XIRP2: variants seen among roughly 807,000 people sequenced by gnomAD.
The protein encoded by XIRP2 is xin actin binding repeat containing 2, also known as xin actin-binding repeat-containing protein 2.
A neutral mutation model predicts 277.0 loss-of-function variants in XIRP2; 236 were observed. The observed-to-expected ratio is 0.85, with a 90% CI of 0.77 to 0.95. The LOEUF is 0.95. Among genes scored for constraint, XIRP2 ranks in the 40% least tolerant of loss-of-function variants. XIRP2 has a pLI of 0.00. For missense variants in XIRP2, 4,640 were observed against 4,157.5 expected (o/e 1.12, Z -3.19); for synonymous variants, 1,490 against 1,416.5 (o/e 1.05, Z -1.17).
In XIRP2 at chr2:167,245,765, C is replaced by T. The variant is rs775470626; in HGVS notation, c.4373C>T (p.Thr1458Ile). Residue 1458 changes from threonine (T) to isoleucine (I), a missense_variant, in exon 9 of 11, where the codon ACC becomes ATC. By Grantham distance (89) the Thr-to-Ile change is moderately conservative. Coordinates refer to ENST00000409195, the MANE Select transcript of XIRP2 (RefSeq NM_152381.6). Reference protein sequence around the residue: ...NVKTSTWLFETHTMDELRGEG... With the variant: ...NVKTSTWLFEIHTMDELRGEG... ...AAAACATCTACTTGGCTATTTGAAA[C>T]CCACACTATGGATGAACTGAGAGGA... The T allele has an allele frequency of 6.2e-7, 1 of 1,613,618 alleles. No individual in the cohort carries two copies. The highest frequency in any genetic ancestry group is 1.1e-5 in the South Asian group (1 of 91,058).
At chr2:167,073,635 T>C (rs1183863395) in intron 2 of XIRP2, among the ~76,000 whole-genome samples, 1 of 152,102 alleles carries the variant, frequency 6.6e-6, no homozygotes. Flanking sequence ...AACCTACTGG[T>C]GTAATTAGAG....
intron 2 of XIRP2, among the ~76,000 whole-genome samples, chr2:167,063,128 A>C (rs1689213559): frequency 6.6e-6 from 1 of 151,834 alleles, no homozygotes; most frequent in Non-Finnish European, 1.5e-5. Context: ...TTAAACTATT[A>C]TTTTTATTTT....
intron 3 of XIRP2, among the ~76,000 whole-genome samples, chr2:167,170,557 A>G (rs1365162099): frequency 6.6e-5 from 10 of 152,142 alleles, no homozygotes; most frequent in Non-Finnish European, 1.5e-5. Flanking sequence ...CAAAGAATTG[A>G]TTCACATCAT....
chr2:166,905,304 C>T (rs575915174), intron 2 of XIRP2, among the ~76,000 whole-genome samples: 267 of 151,892 alleles, frequency 1.8e-3, no homozygotes, highest in African/African-American at 6.2e-3. Context: ...AATATTTACC[C>T]AAGATAACTG....
chr2:167,101,028 T>TA (rs891997900), intron 2 of XIRP2, among the ~76,000 whole-genome samples: 1 of 152,102 alleles, frequency 6.6e-6, no homozygotes, highest in East Asian at 1.9e-4. Flanking sequence ...AAAACAACAA[T>TA]AAAAAAAATC....
At chr2:167,099,409 C>T (rs1056027951) in intron 2 of XIRP2, among the ~76,000 whole-genome samples, 14 of 152,258 alleles carry the variant, frequency 9.2e-5, no homozygotes, top group East Asian at 7.7e-4. Context: ...ATGCTGGCGG[C>T]GAGAATTTCA....
At chr2:167,041,086 GA>G (rs140962069) in intron 2 of XIRP2, among the ~76,000 whole-genome samples, 1 of 152,104 alleles carries the variant, frequency 6.6e-6, no homozygotes, top group African/African-American at 2.4e-5. Context: ...AGGAACCAGA[GA>G]AAAAAACCCA....
intron 2 of XIRP2, among the ~76,000 whole-genome samples, chr2:167,051,200 C>A (rs1688906890): frequency 6.6e-6 from 1 of 152,094 alleles, no homozygotes; most frequent in Non-Finnish European, 1.5e-5. Flanking sequence ...AGTGTCTTCA[C>A]ACTAGACAGA....
chr2:166,906,506 A>T (rs1220128272), intron 2 of XIRP2, among the ~76,000 whole-genome samples: 1 of 152,086 alleles, frequency 6.6e-6, no homozygotes, highest in African/African-American at 2.4e-5. Context: ...AGACATTATA[A>T]TGTATGTGTA....
chr2:166,984,382 T>C (rs371028703), intron 2 of XIRP2, among the ~76,000 whole-genome samples: 80 of 152,260 alleles, frequency 5.3e-4, no homozygotes, highest in African/African-American at 1.8e-3. Context: ...TTTGGAGGCT[T>C]AGGAGGCTTA....
chr2:167,033,513 T>G (rs1223829817), intron 2 of XIRP2, among the ~76,000 whole-genome samples: 1 of 152,036 alleles, frequency 6.6e-6, no homozygotes, highest in Non-Finnish European at 1.5e-5. Context: ...AATATTCAAG[T>G]ACAAGAAGGT....
rs202126536 is a variant in XIRP2 at position 167,155,407 on chromosome 2, T to G, written c.562+19345T>G. ...AAAAACCTTATCCACCATGATCAAG[T>G]GGGCTTCATCCCTGGGATGCAAGGC... is the stretch of plus-strand genomic sequence containing the variant. On this transcript the variant is annotated intron_variant, in intron 3 of 10. Transcript: ENST00000409195. 5.7e-3 allele frequency among the ~76,000 whole-genome samples: 861 copies of G among 151,690 alleles called. 16 individuals are homozygous for G. Among genetic ancestry groups the G allele is most frequent in the Admixed American group, 0.039 (591 of 15,216 alleles).
intron 2 of XIRP2, among the ~76,000 whole-genome samples, chr2:167,078,497 C>T (rs1172491791): frequency 6.6e-6 from 1 of 152,038 alleles, no homozygotes; most frequent in Non-Finnish European, 1.5e-5. Flanking sequence ...ATGGGACTTC[C>T]AGTACTATTA....
chr2:167,250,879 T>TA lies in XIRP2; in HGVS notation c.9487_9488insA (p.Ser3163TyrfsTer2). ...ACCAAGAAGGCCCATGTCGCAAAAA[T>TA]CTGAAATTCACAGAGCAAACACTTC... On this transcript the variant is annotated frameshift_variant, in exon 9 of 11. Transcript: ENST00000409195. LOFTEE classifies it high-confidence loss of function. 1.2e-6 allele frequency: 2 copies of TA among 1,610,580 alleles called. No homozygotes were observed. Among genetic ancestry groups the TA allele is most frequent in the Middle Eastern group, 1.7e-4 (1 of 6,048 alleles).
Position 167,251,354 on chromosome 2 carries a change from T to A in XIRP2, c.9962T>A (p.Met3321Lys), listed in dbSNP as rs181228402. ...RYEAANRTVQMAENFVNDPEN... is the reference protein window; with the variant it reads ...RYEAANRTVQKAENFVNDPEN... ...GAAGCGGCCAACCGAACTGTTCAAA[T>A]GGCTGAAAATTTCGTGAATGACCCT... Residue 3321 changes from methionine to lysine, a missense_variant, in exon 9 of 11, where the codon ATG (methionine) becomes AAG (lysine). Physicochemically the swap from Met to Lys is moderately conservative, Grantham distance 95 (BLOSUM62 -1). Transcript: ENST00000409195. 501 of 1,613,558 alleles carry A rather than the reference T, an allele frequency of 3.1e-4. No individual in the cohort carries two copies. The highest frequency in any genetic ancestry group is 4.1e-4 in the Non-Finnish European group (478 of 1,179,640).
At chr2:167,009,380 C>A (rs113673796) in intron 2 of XIRP2, among the ~76,000 whole-genome samples, 3 of 151,908 alleles carry the variant, frequency 2.0e-5, no homozygotes, top group Non-Finnish European at 4.4e-5. Flanking sequence ...CATGTCCCTA[C>A]AAAGGACATG....
chr2:166,911,757 C>G (rs190963214), intron 2 of XIRP2, among the ~76,000 whole-genome samples: 2 of 152,232 alleles, frequency 1.3e-5, no homozygotes, highest in Admixed American at 1.3e-4. Context: ...CTGGTTGTTC[C>G]TTTCCATGTT....
At chr2:167,191,028 C>CA (rs1693314394) in intron 3 of XIRP2, among the ~76,000 whole-genome samples, 4 of 151,738 alleles carry the variant, frequency 2.6e-5, no homozygotes, top group African/African-American at 7.2e-5. Flanking sequence ...ACAAAAAATA[C>CA]AAAAAATTAG....
chr2:167,258,945 G>A lies in XIRP2; in HGVS notation c.*1128G>A. On this transcript the variant is annotated 3_prime_UTR_variant, in exon 11 of 11. Transcript: ENST00000409195. ...CCTGTGCAGCCTGCTCCAAAACCAA[G>A]CCTCAGCAGAGGCCTTATGGTAAAG... 6.2e-7 allele frequency: 1 copy of A among 1,612,982 alleles called. No individual in the cohort carries two copies. Among genetic ancestry groups the A allele is most frequent in the Non-Finnish European group, 8.5e-7 (1 of 1,179,530 alleles).
Sources: gnomAD v4.1 joint callset for allele counts (sites outside exome capture counted in the v4.1 genomes callset) on GRCh38, gnomAD v4.1.1 for gene constraint, MANE v1.5 for transcripts, NCBI Gene and HGNC (gene_info 2026-07-23, HGNC 2026-07-21) for gene names.